The following KIRREL1 variants were observed in gnomAD, a reference collection of about 807,000 sequenced individuals.
KIRREL1 encodes the protein kin of IRRE-like protein 1.
Under a neutral mutation model 83.3 loss-of-function variants are expected in KIRREL1, and 25 were observed. That is an observed-to-expected ratio of 0.30 (90% confidence interval 0.22 to 0.42). KIRREL1 has a LOEUF of 0.42. Among genes scored for constraint, KIRREL1 ranks in the 10% least tolerant of loss-of-function variants. The probability of loss-of-function intolerance (pLI) is 1.00; values close to 1 mark genes in which losing one functional copy is unlikely to be tolerated. For synonymous variants in KIRREL1, 388 were observed against 410.4 expected (o/e 0.95, Z 0.66); for missense variants, 812 against 1,032.3 (o/e 0.79, Z 2.92).
chr1:158,029,337 C>CTGTGTGCG (rs1660254116), intron 1 of KIRREL1, among the ~76,000 whole-genome samples: 1 of 69,262 alleles, frequency 1.4e-5, no homozygotes, highest in South Asian at 4.4e-4. Flanking sequence ...TAACAAAAAC[C>CTGTGTGCG]TGTGTGTGTG....
At chr1:158,084,376 G>T in intron 3 of KIRREL1, 46 bp from the exon 4 acceptor site, 1 of 1,511,010 alleles carries the variant, frequency 6.6e-7, no homozygotes, top group Non-Finnish European at 8.9e-7. Context: ...CTTCAGGGAA[G>T]TGTTAGCCAC....
At chr1:158,085,247 G>T (rs1661982342) in intron 4 of KIRREL1, among the ~76,000 whole-genome samples, 1 of 152,244 alleles carries the variant, frequency 6.6e-6, no homozygotes, top group South Asian at 2.1e-4. Flanking sequence ...TACCCTGCCA[G>T]TTGTGGGTAA....
chr1:158,084,599 C>CCCAGCTCCT lies in KIRREL1; in HGVS notation c.510+23_510+31dup, dbSNP rs1451281459. 1 of 1,550,030 alleles carries CCCAGCTCCT rather than the reference C, an allele frequency of 6.5e-7. No homozygotes were observed. The highest frequency in any genetic ancestry group is 8.7e-7 in the Non-Finnish European group (1 of 1,146,024). On this transcript the variant is annotated intron_variant, in intron 4 of 14. Transcript: ENST00000359209. ...AGCACGGTGAGCTCCAGCCAGCTCC[C>CCCAGCTCCT]CCAGCTCCTCCTGGGCCTAGCCCAG...
chr1:157,998,749 G>A (rs1297801333), intron 1 of KIRREL1, among the ~76,000 whole-genome samples: 4 of 152,198 alleles, frequency 2.6e-5, no homozygotes, highest in Admixed American at 1.3e-4. Context: ...GTTCTAACCC[G>A]CCTGGGGAGG....
chr1:158,089,369 A>C, intron 8 of KIRREL1, 133 bp from the exon 9 acceptor site: 1 of 1,417,584 alleles, frequency 7.1e-7, no homozygotes, highest in Non-Finnish European at 9.7e-7. Context: ...TGGACTCGGG[A>C]ACCCCATTTC....
At chr1:158,092,176 G>A (rs1156554474) in intron 11 of KIRREL1, among the ~76,000 whole-genome samples, 1 of 152,108 alleles carries the variant, frequency 6.6e-6, no homozygotes, top group East Asian at 1.9e-4. Flanking sequence ...CTCCTTTAAG[G>A]CACTTCTCAC....
Position 158,097,278 on chromosome 1 carries a change from T to C in KIRREL1, c.*2158T>C. 1 of 319,588 alleles carries C rather than the reference T, an allele frequency of 3.1e-6. No homozygotes were observed. Among genetic ancestry groups the C allele is most frequent in the Non-Finnish European group, 6.1e-6 (1 of 164,534 alleles). 19.8% of individuals were successfully genotyped at this position (319,588 alleles called of 1,614,324 possible). A position where few individuals can be genotyped will look rare whatever the true frequency, so the allele number is the denominator to read the frequency against. On this transcript the variant is annotated 3_prime_UTR_variant, in exon 15 of 15. Coordinates refer to ENST00000359209, the MANE Select transcript of KIRREL1 (RefSeq NM_018240.7). ...ACAAAAACCAGAAACCATGGGGGAA[T>C]CCAAAGACTTGAAGTCTAAAGATGG...
At chr1:157,996,648 C>G (rs1444322244) in intron 1 of KIRREL1, among the ~76,000 whole-genome samples, 2 of 152,206 alleles carry the variant, frequency 1.3e-5, no homozygotes, top group African/African-American at 4.8e-5. Flanking sequence ...TGGAGAGTAA[C>G]TGGACTCTCC....
At chr1:158,051,830 G>A (rs554646730) in intron 1 of KIRREL1, among the ~76,000 whole-genome samples, 2 of 152,274 alleles carry the variant, frequency 1.3e-5, no homozygotes, top group South Asian at 2.1e-4. Context: ...CAGGATTCCT[G>A]TAAATGCCTT....
At chr1:158,001,678 C>T (rs1194119825) in intron 1 of KIRREL1, among the ~76,000 whole-genome samples, 3 of 152,072 alleles carry the variant, frequency 2.0e-5, no homozygotes, top group Non-Finnish European at 2.9e-5. Flanking sequence ...GAGAGCCTTA[C>T]CAGATGGGCC....
intron 3 of KIRREL1, among the ~76,000 whole-genome samples, chr1:158,080,227 G>C (rs1264160105): frequency 6.6e-6 from 1 of 152,074 alleles, no homozygotes; most frequent in Non-Finnish European, 1.5e-5. Flanking sequence ...TGCTGCCCTG[G>C]AGTACTCGCT....
intron 1 of KIRREL1, among the ~76,000 whole-genome samples, chr1:158,058,553 T>TG (rs1023285727): frequency 6.6e-5 from 10 of 151,974 alleles, no homozygotes; most frequent in Non-Finnish European, 1.5e-4. Flanking sequence ...CCAGAAGCAA[T>TG]GGGTCTCACC....
intron 1 of KIRREL1, among the ~76,000 whole-genome samples, chr1:158,038,585 C>G (rs1410135989): frequency 6.7e-6 from 1 of 149,632 alleles, no homozygotes; most frequent in East Asian, 2.0e-4. Flanking sequence ...TTGGCCCCCC[C>G]AAAACACTGA....
chr1:158,025,445 TAAGGGTGCCCCAGGGAG>T (rs1434535808), intron 1 of KIRREL1: 1 of 149,406 alleles, frequency 6.7e-6, no homozygotes, highest in East Asian at 2.0e-4. Flanking sequence ...GGACAAAGGC[TAAGGGTGCCCCAGGGAG>T]AAGGGCATCG....
intron 1 of KIRREL1, among the ~76,000 whole-genome samples, chr1:158,057,471 G>A (rs1395700716): frequency 6.6e-6 from 1 of 152,136 alleles, no homozygotes; most frequent in African/African-American, 2.4e-5. Flanking sequence ...GCTTTTCACA[G>A]ACATAGAATA....
At chr1:158,067,384 C>T (rs1365140551) in intron 1 of KIRREL1, among the ~76,000 whole-genome samples, 1 of 152,198 alleles carries the variant, frequency 6.6e-6, no homozygotes, top group Non-Finnish European at 1.5e-5. Context: ...CCCTCCACAT[C>T]CCTGCAGGAT....
chr1:158,009,927 A>T (rs760758735), intron 1 of KIRREL1, among the ~76,000 whole-genome samples: 1 of 152,228 alleles, frequency 6.6e-6, no homozygotes, highest in Non-Finnish European at 1.5e-5. Context: ...GAACATCTAT[A>T]TTCAGGAGGC....
At chr1:158,000,448 A>G (rs748105613) in intron 1 of KIRREL1, among the ~76,000 whole-genome samples, 1 of 152,194 alleles carries the variant, frequency 6.6e-6, no homozygotes, top group African/African-American at 2.4e-5. Context: ...ATGAAAGTTG[A>G]GAAAGAAGCT....
At chr1:158,047,348 G>T (rs769277045) in intron 1 of KIRREL1, among the ~76,000 whole-genome samples, 5 of 152,174 alleles carry the variant, frequency 3.3e-5, no homozygotes, top group Admixed American at 6.5e-5. Context: ...TGTGGAAAGT[G>T]CTGACAAGGC....
Sources: gnomAD v4.1 joint callset for allele counts (sites outside exome capture counted in the v4.1 genomes callset) on GRCh38, gnomAD v4.1.1 for gene constraint, MANE v1.5 for transcripts, NCBI Gene and HGNC (gene_info 2026-07-23, HGNC 2026-07-21) for gene names.